ADGRB3: variants seen among roughly 807,000 people sequenced by gnomAD.
The protein encoded by ADGRB3 is adhesion G protein-coupled receptor B3, also known as brain-specific angiogenesis inhibitor 3.
ADGRB3 carries 37 observed loss-of-function variants against 193.4 expected under a neutral mutation model. The observed-to-expected ratio is 0.19, with a 90% CI of 0.15 to 0.25. ADGRB3 has a LOEUF of 0.25. Ranked by LOEUF, ADGRB3 falls within the 10% of genes least tolerant of loss-of-function variation. The pLI is 1.00. For missense variants in ADGRB3, 1,637 were observed against 1,852.9 expected (o/e 0.88, Z 2.14); for synonymous variants, 690 against 644.2 (o/e 1.07, Z -1.08).
chr6:68,783,161 G>T (rs1000000873), intron 3 of ADGRB3, among the ~76,000 whole-genome samples: 3 of 151,298 alleles, frequency 2.0e-5, no homozygotes, highest in Non-Finnish European at 1.5e-5. Flanking sequence ...CTATTTTACA[G>T]ATGATAAAAT....
At chr6:69,345,405 G>A (rs1769063357) in intron 26 of ADGRB3, among the ~76,000 whole-genome samples, 1 of 152,122 alleles carries the variant, frequency 6.6e-6, no homozygotes, top group Non-Finnish European at 1.5e-5. Flanking sequence ...TACCCACTTT[G>A]ATCAAATTGG....
chr6:69,230,760 C>T lies in ADGRB3; in HGVS notation c.2481-2530C>T, dbSNP rs550201094. On this transcript the variant is annotated intron_variant, in intron 17 of 31. Transcript: ENST00000370598. ...GAACTTGGTGGTTACCCACCCCCCTCCTCACCTCTCAAGGTTTTCTCTCCT... is the reference window on the plus strand; with the variant it reads ...GAACTTGGTGGTTACCCACCCCCCTTCTCACCTCTCAAGGTTTTCTCTCCT... 2.6e-5 allele frequency among the ~76,000 whole-genome samples: 4 copies of T among 152,344 alleles called. No homozygotes were observed. In the East Asian group the frequency reaches 7.7e-4, roughly 29 times the overall value.
At chr6:69,136,685 CT>C (rs1170333549) in intron 17 of ADGRB3, among the ~76,000 whole-genome samples, 1 of 151,744 alleles carries the variant, frequency 6.6e-6, no homozygotes. Context: ...CACTCTTTAA[CT>C]TTTTTCCTTT....
At chr6:68,911,255 C>A (rs1219725599) in intron 3 of ADGRB3, among the ~76,000 whole-genome samples, 2 of 114,178 alleles carry the variant, frequency 1.8e-5, no homozygotes, top group Non-Finnish European at 3.3e-5. Flanking sequence ...CATCACACAC[C>A]GGGGCCTGTT....
At chr6:69,312,116 A>G (rs539210076) in intron 20 of ADGRB3, among the ~76,000 whole-genome samples, 1 of 151,832 alleles carries the variant, frequency 6.6e-6, no homozygotes, top group Non-Finnish European at 1.5e-5. Flanking sequence ...GACTCCCCAC[A>G]GGAATCTCAC....
intron 20 of ADGRB3, among the ~76,000 whole-genome samples, chr6:69,275,114 C>G (rs1270654167): frequency 6.6e-6 from 1 of 152,070 alleles, no homozygotes; most frequent in Non-Finnish European, 1.5e-5. Flanking sequence ...TATCCCGTGC[C>G]TCTAGTATAT....
At chr6:68,696,282 T>C (rs547756947) in intron 3 of ADGRB3, among the ~76,000 whole-genome samples, 6 of 152,138 alleles carry the variant, frequency 3.9e-5, no homozygotes, top group African/African-American at 1.4e-4. Context: ...AAGCTGAATG[T>C]ATTTTTTTTT....
At chr6:68,662,510 G>A (rs1007041766) in intron 3 of ADGRB3, among the ~76,000 whole-genome samples, 1 of 151,454 alleles carries the variant, frequency 6.6e-6, no homozygotes, top group African/African-American at 2.4e-5. Flanking sequence ...GTGGTCACAG[G>A]TCATGCGTTT....
intron 20 of ADGRB3, among the ~76,000 whole-genome samples, chr6:69,240,814 T>C (rs941447704): frequency 1.3e-5 from 2 of 151,990 alleles, no homozygotes; most frequent in African/African-American, 4.8e-5. Context: ...GTTCATACAC[T>C]GGTTAATACC....
intron 20 of ADGRB3, among the ~76,000 whole-genome samples, chr6:69,317,554 C>T (rs990499329): frequency 6.6e-6 from 1 of 151,350 alleles, no homozygotes; most frequent in Non-Finnish European, 1.5e-5. Flanking sequence ...TATAAAACTG[C>T]GTAAGCCTTC....
At chr6:69,284,591 GAATCTTTCTAAAAGGACTGGAAATGCA>G (rs1767509177) in intron 20 of ADGRB3, among the ~76,000 whole-genome samples, 1 of 152,014 alleles carries the variant, frequency 6.6e-6, no homozygotes, top group Admixed American at 6.6e-5. Context: ...CCCTTTCTCT[GAATCTTTCTAAAAGGACTGGAAATGCA>G]AATTGAAGCA....
intron 29 of ADGRB3, among the ~76,000 whole-genome samples, chr6:69,371,929 T>C (rs1313561072): frequency 1.3e-5 from 2 of 152,102 alleles, no homozygotes; most frequent in Non-Finnish European, 2.9e-5. Flanking sequence ...ATGAAGAACT[T>C]TGGGACTTAG....
At chr6:68,902,469 AC>A (rs1307609420) in intron 3 of ADGRB3, among the ~76,000 whole-genome samples, 2 of 152,072 alleles carry the variant, frequency 1.3e-5, no homozygotes, top group African/African-American at 4.8e-5. Context: ...AGGAATATTG[AC>A]TGCTGTCCTC....
intron 10 of ADGRB3, among the ~76,000 whole-genome samples, chr6:68,982,584 G>A (rs1768949942): frequency 2.0e-5 from 3 of 152,134 alleles, no homozygotes. Context: ...CAACTGTCTT[G>A]AGGGTGAGAC....
Position 69,048,172 on chromosome 6 carries a change from T to C in ADGRB3, c.2108-13T>C, listed in dbSNP as rs1419547852. On this transcript the variant is annotated splice_polypyrimidine_tract_variant and intron_variant, in intron 13 of 31. Coordinates refer to ENST00000370598, the MANE Select transcript of ADGRB3 (RefSeq NM_001704.3). Reference sequence around the variant, plus strand: ...AGCAAGTTTAATTGAAATTATTATTTCTTTTTTAATAGTGGCTAGTATTCA... The same window carrying C: ...AGCAAGTTTAATTGAAATTATTATTCCTTTTTTAATAGTGGCTAGTATTCA... 3 of 1,604,882 alleles carry C rather than the reference T, an allele frequency of 1.9e-6. No homozygotes were observed. Among genetic ancestry groups the C allele is most frequent in the Non-Finnish European group, 2.6e-6 (3 of 1,176,442 alleles).
At chr6:68,863,921 C>T (rs1355355541) in intron 3 of ADGRB3, among the ~76,000 whole-genome samples, 1 of 152,132 alleles carries the variant, frequency 6.6e-6, no homozygotes, top group Non-Finnish European at 1.5e-5. Flanking sequence ...ATGCATTATA[C>T]TAAATTATTG....
At chr6:69,319,532 A>G (rs528561197) in intron 20 of ADGRB3, among the ~76,000 whole-genome samples, 22 of 151,432 alleles carry the variant, frequency 1.5e-4, no homozygotes, top group Non-Finnish European at 2.7e-4. Context: ...TGAGAGCTGT[A>G]TGTTAGGTTC....
intron 20 of ADGRB3, among the ~76,000 whole-genome samples, chr6:69,259,832 G>A (rs1766883517): frequency 6.6e-6 from 1 of 151,854 alleles, no homozygotes; most frequent in Non-Finnish European, 1.5e-5. Flanking sequence ...TAAAGACATT[G>A]GATATATCAG....
intron 31 of ADGRB3, among the ~76,000 whole-genome samples, chr6:69,387,883 A>G (rs1198330769): frequency 3.3e-5 from 5 of 152,118 alleles, no homozygotes; most frequent in African/African-American, 1.2e-4. Context: ...CTCGACAACT[A>G]TAATATTCTC....
Sources: allele counts gnomAD v4.1 joint callset (sites outside exome capture counted in the v4.1 genomes callset), GRCh38; gene constraint gnomAD v4.1.1; transcripts MANE v1.5; gene names NCBI Gene and HGNC (gene_info 2026-07-23, HGNC 2026-07-21).